MAGI2: variants seen among roughly 807,000 people sequenced by gnomAD.
The protein encoded by MAGI2 is membrane-associated guanylate kinase, WW and PDZ domain-containing protein 2.
In MAGI2, 35 loss-of-function variants were observed where a neutral mutation model predicts 133.3. The observed-to-expected ratio is 0.26, with a 90% CI of 0.20 to 0.35. MAGI2 has a LOEUF of 0.35. Ranked by LOEUF, MAGI2 falls within the 10% of genes least tolerant of loss-of-function variation. The probability of loss-of-function intolerance (pLI) is 1.00; values close to 1 mark genes in which losing one functional copy is unlikely to be tolerated. For synonymous variants in MAGI2, 729 were observed against 710.6 expected (o/e 1.03, Z -0.41); for missense variants, 1,636 against 1,863.4 (o/e 0.88, Z 2.25).
At chr7:78,585,580 G>GAGC (rs2150825067) in intron 3 of MAGI2, among the ~76,000 whole-genome samples, 1 of 152,296 alleles carries the variant, frequency 6.6e-6, no homozygotes, top group South Asian at 2.1e-4. Flanking sequence ...GCAGCTGAGA[G>GAGC]AGCAGCACCT....
At chr7:78,543,217 A>G (rs1235380930) in intron 3 of MAGI2, among the ~76,000 whole-genome samples, 1 of 152,218 alleles carries the variant, frequency 6.6e-6, no homozygotes, top group East Asian at 1.9e-4. Context: ...ATGTGAATGT[A>G]GAGAGAAAAA....
chr7:78,700,788 C>T (rs1585127918), intron 2 of MAGI2, among the ~76,000 whole-genome samples: 1 of 151,884 alleles, frequency 6.6e-6, no homozygotes, highest in Non-Finnish European at 1.5e-5. Context: ...TATCATTTCT[C>T]ATCGTGACAC....
chr7:78,534,697 G>A (rs1039645907), intron 3 of MAGI2, among the ~76,000 whole-genome samples: 3 of 152,202 alleles, frequency 2.0e-5, no homozygotes, highest in Admixed American at 2.0e-4. Context: ...ACTGATAGCA[G>A]GTTTAACTTG....
At chr7:78,437,639 T>C (rs562657610) in intron 6 of MAGI2, among the ~76,000 whole-genome samples, 6 of 152,252 alleles carry the variant, frequency 3.9e-5, no homozygotes, top group Admixed American at 2.0e-4. Context: ...ATGGAGCCAA[T>C]TGCATTAGGG....
At chr7:78,880,894 C>A (rs1795791869) in intron 2 of MAGI2, among the ~76,000 whole-genome samples, 2 of 152,154 alleles carry the variant, frequency 1.3e-5, no homozygotes, top group South Asian at 4.1e-4. Context: ...ATTACAAAAA[C>A]AGAAAAGATA....
chr7:78,805,283 T>G (rs1455331392), intron 2 of MAGI2, among the ~76,000 whole-genome samples: 2 of 150,794 alleles, frequency 1.3e-5, no homozygotes, highest in Non-Finnish European at 3.0e-5. Context: ...CACAAAACAA[T>G]TGACAGATTA....
intron 3 of MAGI2, among the ~76,000 whole-genome samples, chr7:78,595,679 C>A (rs1297733573): frequency 6.6e-6 from 1 of 152,088 alleles, no homozygotes; most frequent in Non-Finnish European, 1.5e-5. Context: ...CTGTATAGAA[C>A]CAAAATTCAA....
At chr7:79,241,677 GTGC>G (rs1324966301) in intron 1 of MAGI2, among the ~76,000 whole-genome samples, 1 of 152,144 alleles carries the variant, frequency 6.6e-6, no homozygotes. Flanking sequence ...GCTATGGGAG[GTGC>G]CTTTCATAGC....
At chr7:79,257,917 A>T (rs534894405) in intron 1 of MAGI2, among the ~76,000 whole-genome samples, 28 of 152,334 alleles carry the variant, frequency 1.8e-4, no homozygotes, top group Admixed American at 5.9e-4. Flanking sequence ...GAAACTTGGA[A>T]TATCAAAGAT....
In MAGI2 at chr7:78,125,734, A is replaced by T; in HGVS notation, c.3527T>A (p.Leu1176Gln). 6.2e-7 allele frequency: 1 copy of T among 1,614,142 alleles called. No individual in the cohort carries two copies. The highest frequency in any genetic ancestry group is 8.5e-7 in the Non-Finnish European group (1 of 1,179,972). Residue 1176 changes from leucine (L) to glutamine (Q), a missense_variant, in exon 20 of 22, where the codon CTG (leucine) becomes CAG (glutamine). By Grantham distance (113) the Leu-to-Gln change is moderately radical (BLOSUM62 -2). Around this residue, in one of 5 missense-constraint regions of MAGI2, gnomAD observed 49 missense variants for 103.8 expected, o/e 0.47. Coordinates refer to ENST00000354212, the MANE Select transcript of MAGI2 (RefSeq NM_012301.4). ...EYKMDLYVLR[L>Q]AEDGPAIRNG... ...CCTTATTGCTGGTCCATCTTCTGCC[A>T]GTCTCAACACATACAAATCCATTTT...
At chr7:78,363,162 C>T (rs982675298) in intron 7 of MAGI2, among the ~76,000 whole-genome samples, 1 of 152,152 alleles carries the variant, frequency 6.6e-6, no homozygotes, top group South Asian at 2.1e-4. Flanking sequence ...AGGCTCAACG[C>T]CTTTGGAAGC....
chr7:79,151,317 A>G (rs185277506), intron 1 of MAGI2, among the ~76,000 whole-genome samples: 114 of 152,316 alleles, frequency 7.5e-4, no homozygotes, highest in African/African-American at 2.6e-3. Flanking sequence ...GTATTTAATT[A>G]TATCAAAAGA....
chr7:79,414,332 CTCT>C (rs1264319230), intron 1 of MAGI2: 1 of 152,146 alleles, frequency 6.6e-6, no homozygotes, highest in Non-Finnish European at 1.5e-5. Context: ...TCTTTGATCT[CTCT>C]TTTTTCTTCA....
rs754512985 is a variant in MAGI2, at chr7:78,256,468, G to A, written c.1522C>T (p.Arg508Cys). The A allele has an allele frequency of 6.2e-6, 10 of 1,613,742 alleles. No homozygotes were observed. Among genetic ancestry groups the A allele is most frequent in the South Asian group, 1.1e-5 (1 of 91,076 alleles). ...IGQSVNLVLC[R>C]GYPLPFDPED... is the part of the protein sequence containing the mutation. The stretch of plus-strand genomic sequence containing the variant: ...GGATCAAAGGGCAAAGGGTAGCCAC[G>A]ACACAACACCAGGTTGACACTCTGA... Residue 508 changes from arginine to cysteine, a missense_variant, in exon 10 of 22, where the codon CGT becomes TGT. Physicochemically the swap from Arg to Cys is radical, Grantham distance 180. Transcript: ENST00000354212.
At chr7:79,412,920 T>A (rs1026647980) in intron 1 of MAGI2, 1 of 152,156 alleles carries the variant, frequency 6.6e-6, no homozygotes, top group African/African-American at 2.4e-5. Flanking sequence ...CATGTTCACA[T>A]CTTATCAAAT....
Position 78,307,421 on chromosome 7 carries a change from G to A in MAGI2, c.1408+36357C>T, listed in dbSNP as rs535059371. Among the ~76,000 whole-genome samples the A allele has an allele frequency of 7.2e-5, 11 of 152,162 alleles. No homozygotes were observed. In the East Asian group the frequency reaches 2.1e-3, roughly 29 times the overall value. On this transcript the variant is annotated intron_variant, in intron 9 of 21. Coordinates refer to ENST00000354212, the MANE Select transcript of MAGI2 (RefSeq NM_012301.4). ...TGTCTTTGCCAGGTAGTGATAGTGT[G>A]GCTTATAAGGCTTAATTATATAGAT...
chr7:78,291,206 G>T (rs1040239139), intron 9 of MAGI2, among the ~76,000 whole-genome samples: 1 of 152,154 alleles, frequency 6.6e-6, no homozygotes, highest in Non-Finnish European at 1.5e-5. Flanking sequence ...AAGAAGAAAA[G>T]AGAGAAGAAT....
intron 2 of MAGI2, among the ~76,000 whole-genome samples, chr7:78,792,846 C>T (rs577413408): frequency 1.3e-5 from 2 of 152,284 alleles, no homozygotes; most frequent in South Asian, 4.2e-4. Context: ...AGAACATTCT[C>T]GGCATGCAGT....
intron 6 of MAGI2, among the ~76,000 whole-genome samples, chr7:78,398,058 TTA>T (rs1796519323): frequency 6.6e-6 from 1 of 151,976 alleles, no homozygotes; most frequent in South Asian, 2.1e-4. Flanking sequence ...GGAAGCTGAA[TTA>T]TGTGTGTGAG....
Sources: allele counts gnomAD v4.1 joint callset (sites outside exome capture counted in the v4.1 genomes callset), GRCh38; gene constraint gnomAD v4.1.1; regional missense constraint gnomAD v4.1.1; transcripts MANE v1.5; gene names NCBI Gene and HGNC (gene_info 2026-07-23, HGNC 2026-07-21).